KRT27: variants seen among roughly 807,000 people sequenced by gnomAD.
KRT27 encodes keratin, type I cytoskeletal 27.
Under a neutral mutation model 45.3 loss-of-function variants are expected in KRT27, and 30 were observed. The ratio of observed to expected loss-of-function variants is 0.66; its 90% CI spans 0.50 to 0.90. KRT27 has a LOEUF of 0.90. KRT27 is among the 40% of genes least tolerant of loss of function. The pLI, the probability that KRT27 is intolerant of heterozygous loss-of-function variation, is 0.00. For synonymous variants in KRT27, 204 were observed against 223.9 expected, an observed-to-expected ratio of 0.91 and a Z score of 0.79; for missense variants, 610 against 564.3, an observed-to-expected ratio of 1.08 and a Z score of -0.82.
rs1360718891 is a variant in KRT27 at position 40,782,495 on chromosome 17, G to A, written c.-2C>T. 1 of 1,543,186 alleles carries A rather than the reference G, an allele frequency of 6.5e-7. No homozygotes were observed. The highest frequency in any genetic ancestry group is 2.0e-5 in the Admixed American group (1 of 48,984). ...GGTAGAAGAAAAGCGCACAGACATGGTGTCCGGAGGCTGGAGCCTTTGTTT... is the reference window on the plus strand; with the variant it reads ...GGTAGAAGAAAAGCGCACAGACATGATGTCCGGAGGCTGGAGCCTTTGTTT... On this transcript the variant is annotated 5_prime_UTR_variant, in exon 1 of 8. Transcript: ENST00000301656.
chr17:40,777,197 C>T, intron 7 of KRT27, 56 bp downstream of exon 7: 1 of 1,609,948 alleles, frequency 6.2e-7, no homozygotes, highest in Non-Finnish European at 8.5e-7. Flanking sequence ...GGAAATAAAA[C>T]ATCATTTGAA....
rs1397089326 is a variant in KRT27, at chr17:40,782,486, A to G, written c.8T>C (p.Val3Ala). 2.6e-6 allele frequency: 4 copies of G among 1,568,322 alleles called. No homozygotes were observed. The South Asian group carries it at 3.5e-5, about 14-fold the overall frequency. ...TCTCCTGGAGGTAGAAGAAAAGCGC[A>G]CAGACATGGTGTCCGGAGGCTGGAG... is the stretch of plus-strand genomic sequence containing the variant. Reference protein sequence around the residue: MSVRFSSTSRRLG... With the variant: MSARFSSTSRRLG... The change falls in exon 1 of 8, where the codon GTG becomes GCG. Residue 3 changes from valine (V) to alanine (A), a missense_variant. By Grantham distance (64) the Val-to-Ala change is moderately conservative (BLOSUM62 0). Transcript: ENST00000301656.
chr17:40,779,881 C>A lies in KRT27; in HGVS notation c.685-20G>T. On this transcript the variant is annotated intron_variant, in intron 3 of 7. Transcript: ENST00000301656. ...CATTTCCTGAAAGATATTTGTTTAA[C>A]GGAATTAGGATCTGAATATTTTATT... The A allele has an allele frequency of 3.1e-6, 5 of 1,598,164 alleles. No individual in the cohort carries two copies. Among genetic ancestry groups the A allele is most frequent in the South Asian group, 1.1e-5 (1 of 88,058 alleles).
chr17:40,780,468 A>C lies in KRT27; in HGVS notation c.528-12T>G, dbSNP rs761838277. 6.2e-7 allele frequency: 1 copy of C among 1,611,728 alleles called. No homozygotes were observed. The highest frequency in any genetic ancestry group is 1.1e-5 in the South Asian group (1 of 90,564). On this transcript the variant is annotated splice_polypyrimidine_tract_variant and intron_variant, in intron 2 of 7. Transcript: ENST00000301656. ...GCTCGTTTTCAAACCTTAGAAAAGT[A>C]TTTGGAAGTTTCATCATTAGTCATT...
Position 40,782,109 on chromosome 17 carries a change from G to C in KRT27, c.385C>G (p.Arg129Gly). The C allele has an allele frequency of 6.2e-7, 1 of 1,613,930 alleles. No individual in the cohort carries two copies. The highest frequency in any genetic ancestry group is 8.5e-7 in the Non-Finnish European group (1 of 1,180,004). Residue 129 changes from arginine (R) to glycine (G), a missense_variant, in exon 1 of 8, where the codon CGT (arginine) becomes GGT (glycine). Physicochemically the swap from Arg to Gly is moderately radical, Grantham distance 125 (BLOSUM62 -2). Transcript: ENST00000301656. ...CTGCTGTAATCATGATCAAGGCCACGGCAAGAACCAGGTCCAAATTTCTCA... is the reference window on the plus strand; with the variant it reads ...CTGCTGTAATCATGATCAAGGCCACCGCAAGAACCAGGTCCAAATTTCTCA... Reference protein sequence around the residue: ...WYEKFGPGSCRGLDHDYSRYF... With the variant: ...WYEKFGPGSCGGLDHDYSRYF...
At position 40,781,253 on chromosome 17, in the gene KRT27, G is replaced by T; in HGVS notation, c.462C>A (p.Thr154=). Residue 154 remains threonine (T), a synonymous_variant, in exon 2 of 8, where the codon ACC becomes ACA. Transcript: ENST00000301656. ...ELKNQIISAT[T]SNAHVVLQND... ...TTTGCAGGACAACATGGGCATTACT[G>T]GTAGTTGCAGAAATTATCTGACAAA... 1 of 1,606,242 alleles carries T rather than the reference G, an allele frequency of 6.2e-7. No individual in the cohort carries two copies. Among genetic ancestry groups the T allele is most frequent in the Admixed American group, 1.7e-5 (1 of 59,832 alleles).
chr17:40,781,331 T>G (rs2038310056), intron 1 of KRT27, 61 bp from the exon 2 acceptor site: 1 of 948,684 alleles, frequency 1.1e-6, no homozygotes, highest in African/African-American at 1.6e-5. Flanking sequence ...CAAAGTTCCT[T>G]GAAATAAAAT....
chr17:40,777,128 T>C lies in KRT27; in HGVS notation c.1251A>G (p.Lys417=). The part of the protein sequence containing the change: ...GPGNQTKDSS[K]TTIVKTVVEE... ...CAACAACTGTTTTGACAATGGTGGT[T>C]TTAGATGAATCTAAAATGCCACATA... Residue 417 remains lysine (K), a synonymous_variant, in exon 8 of 8, where the codon AAA becomes AAG. Transcript: ENST00000301656. 6.2e-7 allele frequency: 1 copy of C among 1,613,652 alleles called. No individual in the cohort carries two copies. The highest frequency in any genetic ancestry group is 8.5e-7 in the Non-Finnish European group (1 of 1,179,694).
chr17:40,780,671 AC>A (rs2038304061), intron 2 of KRT27, among the ~76,000 whole-genome samples: 1 of 151,544 alleles, frequency 6.6e-6, no homozygotes, highest in African/African-American at 2.4e-5. Flanking sequence ...TCACGGTGAA[AC>A]CCCGTCTCTA....
chr17:40,777,192 T>C (rs1038732031), intron 7 of KRT27, 54 bp from the exon 8 acceptor site: 3 of 1,610,280 alleles, frequency 1.9e-6, no homozygotes, highest in African/African-American at 1.3e-5. Flanking sequence ...AAATAGGAAA[T>C]AAAACATCAT....
rs757848490 is a variant in KRT27, at chr17:40,779,539, T to A, written c.935A>T (p.Gln312Leu). The change falls in exon 5 of 8, where the codon CAA becomes CTA. Residue 312 changes from glutamine (Q) to leucine (L), a missense_variant. Physicochemically the swap from Gln to Leu is moderately radical, Grantham distance 113. Coordinates refer to ENST00000301656, the MANE Select transcript of KRT27 (RefSeq NM_181537.4). ...NELIEMKRTL[Q>L]TLEIELQSLL... ...GGACTGAAGTTCAATCTCAAGGGTT[T>A]GAAGAGTGCGTTTCATCTCGATAAG... The A allele has an allele frequency of 6.2e-7, 1 of 1,614,252 alleles. No homozygotes were observed. Among genetic ancestry groups the A allele is most frequent in the South Asian group, 1.1e-5 (1 of 91,090 alleles).
At chr17:40,779,471 A>T (rs1215852462) in intron 5 of KRT27, 31 bp downstream of exon 5, 1 of 1,571,238 alleles carries the variant, frequency 6.4e-7, no homozygotes, top group Non-Finnish European at 8.6e-7. Context: ...TCAATTTCTA[A>T]AGCAAATCTG....
In KRT27 at chr17:40,777,138, T is replaced by G; in HGVS notation, c.1241A>C (p.Asp414Ala). 1 of 1,613,264 alleles carries G rather than the reference T, an allele frequency of 6.2e-7. No homozygotes were observed. The highest frequency in any genetic ancestry group is 2.2e-5 in the East Asian group (1 of 44,858). Residue 414 changes from aspartate (D) to alanine (A), a missense_variant and splice_region_variant, in exon 8 of 8, where the codon GAT (aspartate) becomes GCT (alanine). By Grantham distance (126) the Asp-to-Ala change is moderately radical (BLOSUM62 -2). Coordinates refer to ENST00000301656, the MANE Select transcript of KRT27 (RefSeq NM_181537.4). ...TTTGACAATGGTGGTTTTAGATGAA[T>G]CTAAAATGCCACATATAAACTGTTT... ...GYGGPGNQTK[D>A]SSKTTIVKTV...
chr17:40,779,684 C>A lies in KRT27; in HGVS notation c.846+16G>T, dbSNP rs778560739. The A allele has an allele frequency of 6.2e-7, 1 of 1,613,438 alleles. No individual in the cohort carries two copies. The highest frequency in any genetic ancestry group is 2.2e-5 in the East Asian group (1 of 44,870). On this transcript the variant is annotated intron_variant, in intron 4 of 7. Coordinates refer to ENST00000301656, the MANE Select transcript of KRT27 (RefSeq NM_181537.4). ...GGGCTGAGTCCGCGCCCGGGCGCAC[C>A]CAAGCGTGGTTTTACCTTTTCGTTG...
Position 40,776,902 on chromosome 17 carries a change from T to G in KRT27, c.*97A>C. 1 of 1,115,738 alleles carries G rather than the reference T, an allele frequency of 9.0e-7. No individual in the cohort carries two copies. Among genetic ancestry groups the G allele is most frequent in the Non-Finnish European group, 1.3e-6 (1 of 776,224 alleles). 69.1% of individuals were successfully genotyped at this position (1,115,738 alleles called of 1,614,324 possible). ...CTAAAAATAACTTGTCTTAATTCAT[T>G]GGAAGAAAAGCAGAAAAATAAGGGG... is the stretch of plus-strand genomic sequence containing the variant. On this transcript the variant is annotated 3_prime_UTR_variant, in exon 8 of 8. Coordinates refer to ENST00000301656, the MANE Select transcript of KRT27 (RefSeq NM_181537.4).
chr17:40,778,833 TTTTTTTTC>T (rs1295166741), intron 5 of KRT27, among the ~76,000 whole-genome samples: 2 of 128,850 alleles, frequency 1.6e-5, no homozygotes, highest in Admixed American at 7.5e-5. Context: ...AGCAGTAGGA[TTTTTTTTC>T]TTTTTTTTTA....
intron 2 of KRT27, among the ~76,000 whole-genome samples, chr17:40,780,822 C>T (rs1331041459): frequency 6.6e-6 from 1 of 152,148 alleles, no homozygotes; most frequent in Non-Finnish European, 1.5e-5. Flanking sequence ...GCACTCCAGC[C>T]TGGGCGACAG....
Position 40,780,468 on chromosome 17 carries a change from A to G in KRT27, c.528-12T>C. ...GCTCGTTTTCAAACCTTAGAAAAGT[A>G]TTTGGAAGTTTCATCATTAGTCATT... On this transcript the variant is annotated splice_polypyrimidine_tract_variant and intron_variant, in intron 2 of 7. Transcript: ENST00000301656. The G allele has an allele frequency of 1.9e-6, 3 of 1,611,728 alleles. No individual in the cohort carries two copies. Among genetic ancestry groups the G allele is most frequent in the Non-Finnish European group, 2.5e-6 (3 of 1,179,056 alleles).
intron 6 of KRT27, 51 bp from the exon 7 acceptor site, chr17:40,777,353 CT>C (rs759923343): frequency 6.3e-7 from 1 of 1,575,668 alleles, no homozygotes; most frequent in Admixed American, 1.9e-5. Flanking sequence ...ACTGAGGAAA[CT>C]GAAAAATAAT....
Sources: gnomAD v4.1 joint callset for allele counts (sites outside exome capture counted in the v4.1 genomes callset) on GRCh38, gnomAD v4.1.1 for gene constraint, MANE v1.5 for transcripts, NCBI Gene and HGNC (gene_info 2026-07-23, HGNC 2026-07-21) for gene names.